Variants in AIPL1 observed in about 807,000 individuals in gnomAD.
AIPL1 encodes AIP like 1 HSP90 co-chaperone.
In AIPL1, 23 loss-of-function variants were observed where a neutral mutation model predicts 32.9. That is an observed-to-expected ratio of 0.70 (90% CI 0.50 to 0.99). The LOEUF (loss-of-function observed/expected upper bound fraction) is 0.99, where lower values mean the gene tolerates loss of function less well. Ranked by LOEUF, AIPL1 falls within the 50% of genes least tolerant of loss-of-function variation. AIPL1 has a pLI of 0.00. For synonymous variants in AIPL1, 210 were observed against 209.4 expected (o/e 1.00, Z -0.02); for missense variants, 485 against 506.0 (o/e 0.96, Z 0.40).
Position 6,433,577 on chromosome 17 carries a change from C to T in AIPL1, c.276+342G>A, listed in dbSNP as rs1446251723. 2.6e-5 allele frequency among the ~76,000 whole-genome samples: 3 copies of T among 113,362 alleles called. No individual in the cohort carries two copies. In the South Asian group the frequency reaches 1.0e-3, roughly 40 times the overall value. 74.4% of individuals were successfully genotyped at this position (113,362 alleles called of 152,430 possible). A position where few individuals can be genotyped will look rare whatever the true frequency, so the allele number is the denominator to read the frequency against. The stretch of plus-strand genomic sequence containing the variant: ...CTGCACTCCAGCCTGGGTGACAGAG[C>T]GAGACCCTATCTCTCTCTCTCTCTC... On this transcript the variant is annotated intron_variant, in intron 2 of 5. Transcript: ENST00000381129.
Position 6,427,101 on chromosome 17 carries a change from C to T in AIPL1, c.466-44G>A, listed in dbSNP as rs747577332. 57 of 1,610,286 alleles carry T rather than the reference C, an allele frequency of 3.5e-5. No homozygotes were observed. The South Asian group carries it at 5.8e-4, about 16-fold the overall frequency. ...GTCAGTGAGGCAGGGACCCCAGGGG[C>T]CTGCACCCCATCAGAGACCCGAAAA... On this transcript the variant is annotated intron_variant, in intron 3 of 5. Transcript: ENST00000381129.
Position 6,425,306 on chromosome 17 carries a change from TG to T in AIPL1, c.*153del, listed in dbSNP as rs886053264. The T allele has an allele frequency of 2.7e-5, 22 of 803,298 alleles. No individual in the cohort carries two copies. Among genetic ancestry groups the T allele is most frequent in the African/African-American group, 2.2e-4 (11 of 49,790 alleles). 49.8% of individuals were successfully genotyped at this position (803,298 alleles called of 1,614,324 possible). On this transcript the variant is annotated 3_prime_UTR_variant, in exon 6 of 6. Transcript: ENST00000381129. Reference sequence around the variant, plus strand: ...ATAAGCTCTTCTGTACCCTTGGGATTGTTTTTTTTTTTTTTTTTACCATGGG... The same window carrying T: ...ATAAGCTCTTCTGTACCCTTGGGATTTTTTTTTTTTTTTTTTTACCATGGG...
At chr17:6,434,562 G>A (rs1005712111) in intron 1 of AIPL1, among the ~76,000 whole-genome samples, 4 of 152,026 alleles carry the variant, frequency 2.6e-5, no homozygotes, top group East Asian at 3.9e-4. Context: ...GGTTTCACAT[G>A]TTGGTCAGGC....
chr17:6,425,420 C>T lies in AIPL1; in HGVS notation c.*40G>A. 1 of 1,554,232 alleles carries T rather than the reference C, an allele frequency of 6.4e-7. No individual in the cohort carries two copies. The highest frequency in any genetic ancestry group is 8.7e-7 in the Non-Finnish European group (1 of 1,151,944). Reference sequence around the variant, plus strand: ...TCAATCGAACCAGAAGTGACCAGGCCACTTGCTCCCTGCCTGGGTGGCTGT... The same window carrying T: ...TCAATCGAACCAGAAGTGACCAGGCTACTTGCTCCCTGCCTGGGTGGCTGT... On this transcript the variant is annotated 3_prime_UTR_variant, in exon 6 of 6. Coordinates refer to ENST00000381129, the MANE Select transcript of AIPL1 (RefSeq NM_014336.5).
chr17:6,425,932 C>G, intron 5 of AIPL1, 102 bp from the exon 6 acceptor site: 1 of 1,461,462 alleles, frequency 6.8e-7, no homozygotes, highest in Non-Finnish European at 9.2e-7. Flanking sequence ...TCAGCCCCGC[C>G]ATGATCCTTA....
Position 6,426,716 on chromosome 17 carries a change from A to C in AIPL1, c.683T>G (p.Met228Arg). The change falls in exon 5 of 6, where the codon ATG becomes AGG. Residue 228 changes from methionine (M) to arginine (R), a missense_variant. Transcript: ENST00000381129. The part of the protein sequence containing the change: ...WEVQWLKLEK[M>R]INTLILNYCQ... ...GTAGTTGAGGATCAGAGTATTGATCATCTTCTCCAGCTTCAGCCACTGCAC... is the reference window on the plus strand; with the variant it reads ...GTAGTTGAGGATCAGAGTATTGATCCTCTTCTCCAGCTTCAGCCACTGCAC... 1 of 1,614,068 alleles carries C rather than the reference A, an allele frequency of 6.2e-7. No individual in the cohort carries two copies. Among genetic ancestry groups the C allele is most frequent in the Non-Finnish European group, 8.5e-7 (1 of 1,179,956 alleles).
intron 2 of AIPL1, among the ~76,000 whole-genome samples, 186 bp downstream of exon 2, chr17:6,433,733 G>A (rs950259398): frequency 2.6e-5 from 4 of 152,004 alleles, no homozygotes; most frequent in South Asian, 2.1e-4. Flanking sequence ...CACAGCATGG[G>A]TCACCCCTTC....
chr17:6,426,274 T>A (rs1911941155), intron 5 of AIPL1: 11 of 1,315,468 alleles, frequency 8.4e-6, no homozygotes. Context: ...CGGTGCCATA[T>A]CCTCGCAACA....
At position 6,425,305 on chromosome 17, in the gene AIPL1, T is replaced by G; in HGVS notation, c.*155A>C. The G allele has an allele frequency of 1.3e-5, 11 of 829,096 alleles. No individual in the cohort carries two copies. Among genetic ancestry groups the G allele is most frequent in the African/African-American group, 2.0e-5 (1 of 49,338 alleles). The allele number at this position is 829,096 out of a possible 1,614,324, so 51.4% of individuals were successfully genotyped here. Reference sequence around the variant, plus strand: ...CATAAGCTCTTCTGTACCCTTGGGATTGTTTTTTTTTTTTTTTTTACCATG... The same window carrying G: ...CATAAGCTCTTCTGTACCCTTGGGAGTGTTTTTTTTTTTTTTTTTACCATG... On this transcript the variant is annotated 3_prime_UTR_variant, in exon 6 of 6. Transcript: ENST00000381129.
In AIPL1 at chr17:6,425,307, GTTTTTT is replaced by G. The variant is rs77115868; in HGVS notation, c.*147_*152del. 33 of 745,608 alleles carry G rather than the reference GTTTTTT, an allele frequency of 4.4e-5. No homozygotes were observed. The highest frequency in any genetic ancestry group is 4.1e-4 in the Middle Eastern group (1 of 2,432). 46.2% of individuals were successfully genotyped at this position (745,608 alleles called of 1,614,324 possible). On this transcript the variant is annotated 3_prime_UTR_variant, in exon 6 of 6. Coordinates refer to ENST00000381129, the MANE Select transcript of AIPL1 (RefSeq NM_014336.5). ...TAAGCTCTTCTGTACCCTTGGGATT[GTTTTTT>G]TTTTTTTTTTTACCATGGGTGTGTC...
Position 6,428,309 on chromosome 17 carries a change from C to T in AIPL1, c.465+9G>A. The T allele has an allele frequency of 6.2e-7, 1 of 1,605,970 alleles. No homozygotes were observed. Among genetic ancestry groups the T allele is most frequent in the South Asian group, 1.1e-5 (1 of 91,086 alleles). On this transcript the variant is annotated intron_variant, in intron 3 of 5. Transcript: ENST00000381129. Reference sequence around the variant, plus strand: ...CACAGCCCTCCAGCCCTGCCAACCCCAGCCCCACCTGCAGCAGCTCGATCA... The same window carrying T: ...CACAGCCCTCCAGCCCTGCCAACCCTAGCCCCACCTGCAGCAGCTCGATCA...
At chr17:6,434,180 G>GCCCT in intron 1 of AIPL1, 82 bp from the exon 2 acceptor site, 1 of 1,507,222 alleles carries the variant, frequency 6.6e-7, no homozygotes, top group Non-Finnish European at 9.0e-7. Context: ...CCGACACCCA[G>GCCCT]GGCTGTCCCC....
In AIPL1 at chr17:6,434,059, G is replaced by A. The variant is rs769362312; in HGVS notation, c.136C>T (p.Arg46Trp). 15 of 1,613,886 alleles carry A rather than the reference G, an allele frequency of 9.3e-6. No individual in the cohort carries two copies. Among genetic ancestry groups the A allele is most frequent in the Admixed American group, 5.0e-5 (3 of 59,988 alleles). ...TGCCGACTGTCGTCAATGACTGTCC[G>A]CTCCTCATCACATTTCATGGTGCGG... ...HFRTMKCDEE[R>W]TVIDDSRQVG... Residue 46 changes from arginine (R) to tryptophan (W), a missense_variant, in exon 2 of 6, where the codon CGG (arginine) becomes TGG (tryptophan). Physicochemically the swap from Arg to Trp is moderately radical, Grantham distance 101. Coordinates refer to ENST00000381129, the MANE Select transcript of AIPL1 (RefSeq NM_014336.5).
Position 6,428,554 on chromosome 17 carries a change from T to C in AIPL1, c.277-48A>G, listed in dbSNP as rs368337212. The C allele has an allele frequency of 2.2e-5, 35 of 1,584,880 alleles. 1 individual carries two copies. In the East Asian group the frequency reaches 2.2e-4, roughly 10 times the overall value. ...GGCATCCAGGCTACCTGCCCAGAGC[T>C]AGGTGGGCCATAAAAGGCCTCCACT... is the stretch of plus-strand genomic sequence containing the variant. On this transcript the variant is annotated intron_variant, in intron 2 of 5. Coordinates refer to ENST00000381129, the MANE Select transcript of AIPL1 (RefSeq NM_014336.5).
chr17:6,425,252 A>T lies in AIPL1; in HGVS notation c.*208T>A. The T allele has an allele frequency of 1.9e-6, 1 of 527,156 alleles. No homozygotes were observed. Among genetic ancestry groups the T allele is most frequent in the Non-Finnish European group, 3.1e-6 (1 of 318,046 alleles). 32.7% of individuals were successfully genotyped at this position (527,156 alleles called of 1,614,324 possible). ...AAAACCATGGCACGGAAGGAATGAG[A>T]GGGGTAGAGGAGAAAACTACTTTTA... On this transcript the variant is annotated 3_prime_UTR_variant, in exon 6 of 6. Transcript: ENST00000381129.
intron 2 of AIPL1, among the ~76,000 whole-genome samples, chr17:6,429,816 GTAGGTAGGTAGATAGATAGA>G (rs1232410493): frequency 2.1e-3 from 310 of 145,054 alleles, no homozygotes; most frequent in East Asian, 0.02. Flanking sequence ...AGGTAGGTAG[GTAGGTAGGTAGATAGATAGA>G]TAGATAGATA....
Position 6,423,834 on chromosome 17 carries a change from G to A in AIPL1, c.*1626C>T, listed in dbSNP as rs1048637718. On this transcript the variant is annotated 3_prime_UTR_variant, in exon 6 of 6. Transcript: ENST00000381129. The stretch of plus-strand genomic sequence containing the variant: ...TTTGCTTACAGAGCAGAAGGTAGAT[G>A]TTAACAACAAGGAAGATGGAAAAGT... The A allele has an allele frequency of 1.5e-4, 23 of 152,288 alleles. No homozygotes were observed. Among genetic ancestry groups the A allele is most frequent in the African/African-American group, 5.1e-4 (21 of 41,474 alleles). The allele number at this position is 152,288 out of a possible 1,614,324, so 9.4% of individuals were successfully genotyped here.
In AIPL1 at chr17:6,434,117, C is replaced by T. The variant is rs1912927648; in HGVS notation, c.97-19G>A. 4 of 1,610,430 alleles carry T rather than the reference C, an allele frequency of 2.5e-6. No homozygotes were observed. Among genetic ancestry groups the T allele is most frequent in the Non-Finnish European group, 3.4e-6 (4 of 1,179,668 alleles). On this transcript the variant is annotated intron_variant, in intron 1 of 5. Transcript: ENST00000381129. ...AGATCACCTAGTCACCGAGACGGTG[C>T]ACTCTGCTCTAGACACACTGTTCAA... is the stretch of plus-strand genomic sequence containing the variant.
At position 6,435,010 on chromosome 17, in the gene AIPL1, C is replaced by T. The variant is rs1377279163; in HGVS notation, c.95G>A (p.Arg32Gln). ...GELPNFITGS[R>Q]VIFHFRTMKC... is the part of the protein sequence containing the mutation. Reference sequence around the variant, plus strand: ...CTGCTCCGGAGGGGCCCCACTCACTCGGGATCCGGTGATGAAGTTTGGGAG... The same window carrying T: ...CTGCTCCGGAGGGGCCCCACTCACTTGGGATCCGGTGATGAAGTTTGGGAG... Residue 32 changes from arginine to glutamine, a missense_variant and splice_region_variant, in exon 1 of 6, where the codon CGA (arginine) becomes CAA (glutamine). Arg to Gln is a conservative substitution (Grantham distance 43, BLOSUM62 1). Transcript: ENST00000381129. 6 of 1,614,050 alleles carry T rather than the reference C, an allele frequency of 3.7e-6. No individual in the cohort carries two copies. Among genetic ancestry groups the T allele is most frequent in the Non-Finnish European group, 5.1e-6 (6 of 1,180,036 alleles).
Sources: gnomAD v4.1 joint callset for allele counts (sites outside exome capture counted in the v4.1 genomes callset) on GRCh38, gnomAD v4.1.1 for gene constraint, MANE v1.5 for transcripts, NCBI Gene and HGNC (gene_info 2026-07-23, HGNC 2026-07-21) for gene names.